GALNTL6: variants seen among roughly 807,000 people sequenced by gnomAD.
The protein encoded by GALNTL6 is polypeptide N-acetylgalactosaminyltransferase-like 6.
In GALNTL6, 46 loss-of-function variants were observed where a neutral mutation model predicts 73.7. That is an observed-to-expected ratio of 0.62 (90% CI 0.49 to 0.80). GALNTL6 has a LOEUF of 0.80. GALNTL6 is among the 30% of genes least tolerant of loss of function. The pLI is 0.00. For synonymous variants in GALNTL6, 259 were observed against 263.7 expected, an observed-to-expected ratio of 0.98 and a Z score of 0.17; for missense variants, 604 against 755.0, an observed-to-expected ratio of 0.80 and a Z score of 2.34.
intron 5 of GALNTL6, among the ~76,000 whole-genome samples, chr4:172,567,918 A>C (rs1344937892): frequency 1.3e-5 from 2 of 152,142 alleles, no homozygotes; most frequent in African/African-American, 4.8e-5. Context: ...ACCTGAATTG[A>C]AATTGTTAGT....
At chr4:172,814,073 C>T (rs74538076) in intron 7 of GALNTL6, among the ~76,000 whole-genome samples, 2,544 of 152,234 alleles carry the variant, frequency 0.017, 73 homozygotes, top group African/African-American at 0.057. Context: ...TAAAGGATTA[C>T]TGAAAACAAC....
chr4:172,778,528 CAG>C (rs1444855157), intron 5 of GALNTL6, among the ~76,000 whole-genome samples: 2 of 50,344 alleles, frequency 4.0e-5, no homozygotes, highest in African/African-American at 7.2e-5. Context: ...GCCAGAATAA[CAG>C]AGTCTCACTG....
chr4:172,336,054 C>T (rs753126588), intron 4 of GALNTL6, among the ~76,000 whole-genome samples: 3 of 151,940 alleles, frequency 2.0e-5, no homozygotes, highest in Non-Finnish European at 4.4e-5. Context: ...TAATTTGAGA[C>T]CATTCTAACT....
intron 5 of GALNTL6, among the ~76,000 whole-genome samples, chr4:172,755,787 C>T (rs557828817): frequency 6.6e-6 from 1 of 152,258 alleles, no homozygotes; most frequent in East Asian, 1.9e-4. Context: ...AATATCTATT[C>T]TTACAAGGCA....
intron 5 of GALNTL6, among the ~76,000 whole-genome samples, chr4:172,453,697 A>G (rs1426278961): frequency 1.3e-5 from 2 of 152,234 alleles, no homozygotes; most frequent in South Asian, 2.1e-4. Flanking sequence ...TGAGGAGGAA[A>G]GTTACAGAGG....
At chr4:171,843,541 AT>A (rs1735295122) in intron 2 of GALNTL6, among the ~76,000 whole-genome samples, 1 of 152,040 alleles carries the variant, frequency 6.6e-6, no homozygotes, top group African/African-American at 2.4e-5. Context: ...CTTCTTTTAT[AT>A]TTCACCAAAC....
At chr4:172,871,983 G>A (rs944942686) in intron 7 of GALNTL6, among the ~76,000 whole-genome samples, 3 of 152,088 alleles carry the variant, frequency 2.0e-5, no homozygotes, top group Admixed American at 1.3e-4. Context: ...AGTAGAGACG[G>A]GGTTTCACCA....
At position 173,021,461 on chromosome 4, in the gene GALNTL6, C is replaced by T; in HGVS notation, c.1489-15C>T. The T allele has an allele frequency of 6.2e-7, 1 of 1,613,732 alleles. No homozygotes were observed. Among genetic ancestry groups the T allele is most frequent in the Non-Finnish European group, 8.5e-7 (1 of 1,179,758 alleles). On this transcript the variant is annotated splice_polypyrimidine_tract_variant and intron_variant, in intron 11 of 12. Coordinates refer to ENST00000506823, the MANE Select transcript of GALNTL6 (RefSeq NM_001034845.3). ...CAAACTCACTGCAGCTTTTCTGCTACTGTTGCTTTGCTAGCTTTTTACCTT... is the reference window on the plus strand; with the variant it reads ...CAAACTCACTGCAGCTTTTCTGCTATTGTTGCTTTGCTAGCTTTTTACCTT...
intron 5 of GALNTL6, among the ~76,000 whole-genome samples, chr4:172,569,253 A>G (rs1459739395): frequency 6.6e-6 from 1 of 152,166 alleles, no homozygotes; most frequent in Admixed American, 6.5e-5. Flanking sequence ...GTTCATAGAC[A>G]GCTGTCTTCT....
At chr4:172,109,872 G>T (rs773506375) in intron 2 of GALNTL6, among the ~76,000 whole-genome samples, 2 of 152,102 alleles carry the variant, frequency 1.3e-5, no homozygotes, top group Admixed American at 1.3e-4. Context: ...ATCTTGGTGG[G>T]ATCTCAAGAA....
At position 171,882,584 on chromosome 4, in the gene GALNTL6, C is replaced by T. The variant is rs542745937; in HGVS notation, c.138+67866C>T. ...CTGTGGCCAAAGGCCCGAGAACCCCCGGGCAAACTACTGGTGTAAGTCCAA... is the reference window on the plus strand; with the variant it reads ...CTGTGGCCAAAGGCCCGAGAACCCCTGGGCAAACTACTGGTGTAAGTCCAA... On this transcript the variant is annotated intron_variant, in intron 2 of 12. Coordinates refer to ENST00000506823, the MANE Select transcript of GALNTL6 (RefSeq NM_001034845.3). Among the ~76,000 whole-genome samples, 302 of 152,208 alleles carry T rather than the reference C, an allele frequency of 2.0e-3. 1 individual carries two copies. Among genetic ancestry groups the T allele is most frequent in the African/African-American group, 7.0e-3 (290 of 41,540 alleles).
chr4:172,515,803 T>TA lies in GALNTL6; in HGVS notation c.553+167120dup, dbSNP rs542687227. Among the ~76,000 whole-genome samples the TA allele has an allele frequency of 2.7e-4, 41 of 152,212 alleles. 1 individual carries two copies. In the East Asian group the frequency reaches 6.4e-3, roughly 24 times the overall value. ...CTCAAACACCAATACTCCCAGCACCTAAAAAATTTAGGGCCTCAGTTCTGA... is the reference window on the plus strand; with the variant it reads ...CTCAAACACCAATACTCCCAGCACCTAAAAAAATTTAGGGCCTCAGTTCTGA... On this transcript the variant is annotated intron_variant, in intron 5 of 12. Coordinates refer to ENST00000506823, the MANE Select transcript of GALNTL6 (RefSeq NM_001034845.3).
intron 5 of GALNTL6, among the ~76,000 whole-genome samples, chr4:172,743,520 CAAG>C (rs1030000881): frequency 3.3e-5 from 5 of 151,966 alleles, no homozygotes; most frequent in Non-Finnish European, 7.4e-5. Flanking sequence ...GAAACTTTAC[CAAG>C]AAGATGCCCT....
chr4:172,454,763 G>A (rs1399067057), intron 5 of GALNTL6, among the ~76,000 whole-genome samples: 1 of 152,214 alleles, frequency 6.6e-6, no homozygotes, highest in Non-Finnish European at 1.5e-5. Context: ...CCTCAGACTA[G>A]TTCAAATAGT....
intron 2 of GALNTL6, among the ~76,000 whole-genome samples, chr4:171,951,827 CAT>C (rs1181353136): frequency 7.2e-5 from 11 of 151,940 alleles, no homozygotes; most frequent in Admixed American, 3.3e-4. Flanking sequence ...ACTTTAATAA[CAT>C]ATCAAAACTT....
At chr4:172,793,616 G>A (rs1442293998) in intron 5 of GALNTL6, among the ~76,000 whole-genome samples, 1 of 152,104 alleles carries the variant, frequency 6.6e-6, no homozygotes, top group Non-Finnish European at 1.5e-5. Context: ...AGATAAAGAG[G>A]GACAAACAAA....
intron 3 of GALNTL6, among the ~76,000 whole-genome samples, chr4:172,262,633 T>C (rs1214697488): frequency 6.6e-6 from 1 of 151,620 alleles, no homozygotes; most frequent in East Asian, 1.9e-4. Context: ...AGTGTTAGTA[T>C]TGAGATGTGA....
intron 8 of GALNTL6, among the ~76,000 whole-genome samples, chr4:172,886,661 G>T (rs1304221451): frequency 6.6e-6 from 1 of 152,090 alleles, no homozygotes; most frequent in Non-Finnish European, 1.5e-5. Flanking sequence ...TACTGGGGAG[G>T]CTGAGACAGG....
In GALNTL6 at chr4:172,995,522, A is replaced by G. The variant is rs563327016; in HGVS notation, c.1372-13656A>G. Among the ~76,000 whole-genome samples, 3 of 152,346 alleles carry G rather than the reference A, an allele frequency of 2.0e-5. No homozygotes were observed. In the South Asian group the frequency reaches 6.2e-4, roughly 32 times the overall value. On this transcript the variant is annotated intron_variant, in intron 10 of 12. Coordinates refer to ENST00000506823, the MANE Select transcript of GALNTL6 (RefSeq NM_001034845.3). The stretch of plus-strand genomic sequence containing the variant: ...GCTATTCCCGTAGATTCTTTCTCCC[A>G]CAGAATACTGAAAACTCATGAACTC...
Sources: allele counts gnomAD v4.1 joint callset (sites outside exome capture counted in the v4.1 genomes callset), GRCh38; gene constraint gnomAD v4.1.1; transcripts MANE v1.5; gene names NCBI Gene and HGNC (gene_info 2026-07-23, HGNC 2026-07-21).